CFAP44: variants seen among roughly 807,000 people sequenced by gnomAD.
The protein encoded by CFAP44 is cilia and flagella associated protein 44, also known as cilia- and flagella-associated protein 44.
Under a neutral mutation model 216.2 loss-of-function variants are expected in CFAP44, and 134 were observed. The ratio of observed to expected loss-of-function variants is 0.62; its 90% CI spans 0.54 to 0.72. The LOEUF (loss-of-function observed/expected upper bound fraction) is 0.72. Ranked by LOEUF, CFAP44 falls within the 30% of genes least tolerant of loss-of-function variation. CFAP44 has a pLI of 0.00. For synonymous variants in CFAP44, 700 were observed against 727.6 expected, an observed-to-expected ratio of 0.96 and a Z score of 0.61; for missense variants, 2,035 against 2,182.1, an observed-to-expected ratio of 0.93 and a Z score of 1.34.
intron 11 of CFAP44, 125 bp downstream of exon 11, chr3:113,401,113 CAT>C (rs1470755542): frequency 3.7e-5 from 28 of 762,374 alleles, no homozygotes; most frequent in Admixed American, 1.3e-4. Context: ...AAGAGTAGCA[CAT>C]GTTAGGCAAG....
intron 26 of CFAP44, among the ~76,000 whole-genome samples, chr3:113,328,400 T>C (rs989739431): frequency 7.9e-5 from 12 of 151,624 alleles, no homozygotes; most frequent in African/African-American, 2.9e-4. Context: ...ATTATGGTCC[T>C]ACTAATTTTA....
At chr3:113,433,090 T>C (rs1238143356) in intron 2 of CFAP44, among the ~76,000 whole-genome samples, 1 of 152,106 alleles carries the variant, frequency 6.6e-6, no homozygotes, top group African/African-American at 2.4e-5. Context: ...CTCCATCATT[T>C]TTATGGAGCC....
intron 25 of CFAP44, 84 bp downstream of exon 25, chr3:113,333,322 G>T: frequency 1.7e-6 from 2 of 1,150,728 alleles, no homozygotes; most frequent in South Asian, 1.5e-5. Context: ...TTATTGACCA[G>T]ATAGGGAAAT....
At position 113,358,819 on chromosome 3, in the gene CFAP44, T is replaced by A. The variant is rs1950513790; in HGVS notation, c.2991A>T (p.Lys997Asn). The part of the protein sequence containing the change: ...RAEMHRKTAF[K>N]IQQVEKELAW... ...CTAATTCCTTTTCCACTTGTTGAATTTTGAAAGCTGTTTTTCTGTGCATCT... is the reference window on the plus strand; with the variant it reads ...CTAATTCCTTTTCCACTTGTTGAATATTGAAAGCTGTTTTTCTGTGCATCT... Residue 997 changes from lysine to asparagine, a missense_variant, in exon 22 of 35, where the codon AAA (lysine) becomes AAT (asparagine). Lys to Asn is a moderately conservative substitution (Grantham distance 94). Around this residue, in one of 3 missense-constraint regions of CFAP44, gnomAD observed 1,883 missense variants for 2,023.7 expected, o/e 0.93. Transcript: ENST00000393845. 6.5e-7 allele frequency: 1 copy of A among 1,536,842 alleles called. No homozygotes were observed. The highest frequency in any genetic ancestry group is 1.4e-5 in the African/African-American group (1 of 73,054).
chr3:113,408,875 A>AT (rs1488758229), intron 7 of CFAP44, among the ~76,000 whole-genome samples: 1 of 148,114 alleles, frequency 6.8e-6, no homozygotes, highest in African/African-American at 2.4e-5. Context: ...AAAAAAAAAA[A>AT]AAAAAAAGCC....
chr3:113,403,201 A>G (rs1934188446), intron 9 of CFAP44, among the ~76,000 whole-genome samples: 1 of 152,256 alleles, frequency 6.6e-6, no homozygotes, highest in Non-Finnish European at 1.5e-5. Flanking sequence ...CAAGAGGACT[A>G]CAAGGCAAAT....
At position 113,290,224 on chromosome 3, in the gene CFAP44, GACT is replaced by G. The variant is rs374674865; in HGVS notation, c.*1330_*1332del. The G allele has an allele frequency of 5.5e-4, 84 of 152,282 alleles. No individual in the cohort carries two copies. The highest frequency in any genetic ancestry group is 2.0e-3 in the African/African-American group (84 of 41,536). The allele number at this position is 152,282 out of a possible 1,614,324, so 9.4% of individuals were successfully genotyped here. A position where few individuals can be genotyped will look rare whatever the true frequency, so the allele number is the denominator to read the frequency against. ...AGTGGGTGCTCTCCAGTAGAGAAGT[GACT>G]ACATCAGAAATTAATGGTGACAAGT... On this transcript the variant is annotated 3_prime_UTR_variant, in exon 35 of 35. Transcript: ENST00000393845.
At chr3:113,363,048 A>G (rs1950556356) in intron 21 of CFAP44, 97 bp downstream of exon 21, 42 of 1,407,018 alleles carry the variant, frequency 3.0e-5, no homozygotes, top group Non-Finnish European at 3.9e-5. Context: ...ACAAAAAAGA[A>G]AGATGATTTT....
chr3:113,418,237 A>G (rs1315926571), intron 5 of CFAP44, among the ~76,000 whole-genome samples: 1 of 151,982 alleles, frequency 6.6e-6, no homozygotes, highest in Non-Finnish European at 1.5e-5. Context: ...ATAGGTGTGC[A>G]CCACCACACC....
intron 8 of CFAP44, among the ~76,000 whole-genome samples, chr3:113,406,268 T>C (rs182659239): frequency 6.6e-6 from 1 of 152,350 alleles, no homozygotes; most frequent in East Asian, 1.9e-4. Context: ...CACATGGTTG[T>C]ATATAACCTT....
Position 113,441,440 on chromosome 3 carries a change from G to A in CFAP44, c.-6+13C>T, listed in dbSNP as rs1173438266. The A allele has an allele frequency of 2.0e-6, 2 of 985,660 alleles. No homozygotes were observed. Among genetic ancestry groups the A allele is most frequent in the Admixed American group, 1.2e-4 (2 of 16,266 alleles). The allele number at this position is 985,660 out of a possible 1,614,324, so 61.1% of individuals were successfully genotyped here. On this transcript the variant is annotated intron_variant, in intron 1 of 34. Transcript: ENST00000393845. ...GGGTGTGGAAACTGCCGGCTGCTGA[G>A]GTCCAAACTCACCGAAGGTACTGAC... is the stretch of plus-strand genomic sequence containing the variant.
chr3:113,430,963 C>T (rs1157035419), intron 2 of CFAP44, among the ~76,000 whole-genome samples: 3 of 152,110 alleles, frequency 2.0e-5, no homozygotes, highest in Admixed American at 1.3e-4. Flanking sequence ...GTACACTCGA[C>T]CTAAATTTCT....
Position 113,380,938 on chromosome 3 carries a change from T to A in CFAP44, c.2013A>T (p.Ile671=). 3 of 1,590,288 alleles carry A rather than the reference T, an allele frequency of 1.9e-6. No homozygotes were observed. The highest frequency in any genetic ancestry group is 2.6e-6 in the Non-Finnish European group (3 of 1,169,144). Residue 671 remains isoleucine (I), a synonymous_variant, in exon 16 of 35, where the codon ATA becomes ATT. Coordinates refer to ENST00000393845, the MANE Select transcript of CFAP44 (RefSeq NM_001164496.2). ...VVSYEIKDMC[I]KCFHFSSVKS... Reference sequence around the variant, plus strand: ...TGACACTTGAAAAATGGAAACATTTTATGCACATGTCTTTGATTTCATAGG... The same window carrying A: ...TGACACTTGAAAAATGGAAACATTTAATGCACATGTCTTTGATTTCATAGG...
At chr3:113,374,459 G>T (rs192066767) in intron 17 of CFAP44, among the ~76,000 whole-genome samples, 34 of 151,898 alleles carry the variant, frequency 2.2e-4, no homozygotes, top group Non-Finnish European at 4.1e-4. Context: ...ACATATATGT[G>T]GCAGCTGAGA....
chr3:113,327,708 GA>G lies in CFAP44; in HGVS notation c.4227del (p.Gln1410LysfsTer6). The G allele has an allele frequency of 6.5e-7, 1 of 1,536,964 alleles. No individual in the cohort carries two copies. Among genetic ancestry groups the G allele is most frequent in the Non-Finnish European group, 8.7e-7 (1 of 1,146,728 alleles). ...KLSDLHHVTL[F>X]QEILLLKNFE... ...AAATTCTTCAGGAGAAGTATTTCTTGAAATAAGGTGACATGGTGCAGGTCAG... is the reference window on the plus strand; with the variant it reads ...AAATTCTTCAGGAGAAGTATTTCTTGAATAAGGTGACATGGTGCAGGTCAG... On this transcript the variant is annotated frameshift_variant, in exon 27 of 35. Coordinates refer to ENST00000393845, the MANE Select transcript of CFAP44 (RefSeq NM_001164496.2). LOFTEE classifies it high-confidence loss of function.
intron 19 of CFAP44, among the ~76,000 whole-genome samples, chr3:113,365,218 C>A (rs57414437): frequency 2.6e-5 from 4 of 152,088 alleles, no homozygotes; most frequent in African/African-American, 9.7e-5. Context: ...TTTTTCTGAG[C>A]TGGACCCTCT....
At chr3:113,330,118 C>G in intron 26 of CFAP44, 50 bp downstream of exon 26, 32 of 1,425,378 alleles carry the variant, frequency 2.2e-5, no homozygotes, top group Middle Eastern at 1.8e-4. Context: ...CCAATTTTTT[C>G]CCTTCTCTTC....
At chr3:113,382,666 G>T (rs1255940100) in intron 15 of CFAP44, among the ~76,000 whole-genome samples, 1 of 152,166 alleles carries the variant, frequency 6.6e-6, no homozygotes, top group Non-Finnish European at 1.5e-5. Flanking sequence ...AAAACTGGGA[G>T]AAAGTAGAAA....
At chr3:113,361,357 T>C (rs886602767) in intron 21 of CFAP44, 1 of 210,314 alleles carries the variant, frequency 4.8e-6, no homozygotes, top group South Asian at 9.2e-5. Flanking sequence ...TAGTATAATT[T>C]TGCCAACTCA....
Sources: gnomAD v4.1 joint callset for allele counts (sites outside exome capture counted in the v4.1 genomes callset) on GRCh38, gnomAD v4.1.1 for gene constraint, gnomAD v4.1.1 regional missense constraint, MANE v1.5 for transcripts, NCBI Gene and HGNC (gene_info 2026-07-23, HGNC 2026-07-21) for gene names.